IQSEC1: variants seen among roughly 807,000 people sequenced by gnomAD.
The protein encoded by IQSEC1 is IQ motif and SEC7 domain-containing protein 1.
In IQSEC1, 31 loss-of-function variants were observed where a neutral mutation model predicts 91.0. That is an observed-to-expected ratio of 0.34 (90% CI 0.26 to 0.46). The LOEUF is 0.46. Among genes scored for constraint, IQSEC1 ranks in the 20% least tolerant of loss-of-function variants. IQSEC1 has a pLI of 1.00. For synonymous variants in IQSEC1, 699 were observed against 662.6 expected, an observed-to-expected ratio of 1.05 and a Z score of -0.84; for missense variants, 1,388 against 1,575.6, an observed-to-expected ratio of 0.88 and a Z score of 2.02.
chr3:13,203,930 G>C (rs1694292240), intron 1 of IQSEC1, among the ~76,000 whole-genome samples: 1 of 152,194 alleles, frequency 6.6e-6, no homozygotes, highest in Non-Finnish European at 1.5e-5. Context: ...GGCAGACCCC[G>C]TCCCAGGCTG....
intron 2 of IQSEC1, among the ~76,000 whole-genome samples, chr3:13,114,621 G>A (rs1162273458): frequency 1.3e-5 from 2 of 151,934 alleles, no homozygotes; most frequent in East Asian, 3.9e-4. Flanking sequence ...GTGAAACCCT[G>A]TCTCTACTAA....
Position 12,967,382 on chromosome 3 carries a change from CT to C in IQSEC1, c.24-25518del. 1 of 1,534,142 alleles carries C rather than the reference CT, an allele frequency of 6.5e-7. No individual in the cohort carries two copies. On this transcript the variant is annotated intron_variant, in intron 1 of 13. Transcript: ENST00000613206. This position sits in a 1 kb window ranked among gnomAD's most constrained non-coding sequence, Gnocchi z 5.9. ...AAGGCCGCTCGCCCCGCGCCGCGCCCTCACCCGCTGTCAAGCTCTAGCTCCA... is the reference window on the plus strand; with the variant it reads ...AAGGCCGCTCGCCCCGCGCCGCGCCCCACCCGCTGTCAAGCTCTAGCTCCA...
At chr3:12,963,256 G>A (rs1700353744) in intron 1 of IQSEC1, among the ~76,000 whole-genome samples, 1 of 152,364 alleles carries the variant, frequency 6.6e-6, no homozygotes. Flanking sequence ...ACCATGTCAG[G>A]AAACTGCAAA....
chr3:13,117,809 C>T (rs1372127339), intron 2 of IQSEC1, among the ~76,000 whole-genome samples: 5 of 151,926 alleles, frequency 3.3e-5, no homozygotes, highest in African/African-American at 4.8e-5. Flanking sequence ...CACTTGAACC[C>T]GGGAGGCAGA....
intron 2 of IQSEC1, among the ~76,000 whole-genome samples, chr3:13,089,681 AG>A (rs1445060933): frequency 6.6e-6 from 1 of 152,256 alleles, no homozygotes; most frequent in Non-Finnish European, 1.5e-5. Context: ...CAGACACAAA[AG>A]GACACATCTT....
At chr3:13,168,173 A>G (rs185382333) in intron 1 of IQSEC1, among the ~76,000 whole-genome samples, 3 of 152,344 alleles carry the variant, frequency 2.0e-5, no homozygotes, top group African/African-American at 7.2e-5. Flanking sequence ...AGCTCAAACT[A>G]GAAAGAGCAG....
At chr3:13,075,347 A>C (rs1236052759), upstream of IQSEC1, among the ~76,000 whole-genome samples, 3 of 152,204 alleles carry the variant, frequency 2.0e-5, no homozygotes, top group Admixed American at 1.3e-4. Flanking sequence ...GTCTCCCATC[A>C]AGGCAGCAGC....
intron 2 of IQSEC1, among the ~76,000 whole-genome samples, chr3:13,092,134 A>T (rs1705873021): frequency 6.6e-6 from 1 of 152,166 alleles, no homozygotes; most frequent in Non-Finnish European, 1.5e-5. Flanking sequence ...TGACTGCATC[A>T]AAAGGGGCTA....
intron 1 of IQSEC1, among the ~76,000 whole-genome samples, chr3:13,173,257 G>A (rs970008395): frequency 6.6e-6 from 1 of 152,200 alleles, no homozygotes; most frequent in African/African-American, 2.4e-5. Flanking sequence ...AATGTGCCAG[G>A]CCATGGGAAT....
At chr3:13,271,121 T>G (rs1246681454) in intron 1 of IQSEC1, among the ~76,000 whole-genome samples, 4 of 152,228 alleles carry the variant, frequency 2.6e-5, no homozygotes. Context: ...CTCATGCCTG[T>G]AATCCCAGCA....
intron 1 of IQSEC1, among the ~76,000 whole-genome samples, chr3:12,984,376 G>T (rs977189662): frequency 7.2e-5 from 11 of 152,206 alleles, no homozygotes; most frequent in African/African-American, 2.7e-4. Context: ...CTCTTCTGGT[G>T]GATACAGCCC....
At chr3:13,084,897 T>C (rs1270982708) in intron 2 of IQSEC1, among the ~76,000 whole-genome samples, 1 of 147,804 alleles carries the variant, frequency 6.8e-6, no homozygotes, top group African/African-American at 2.5e-5. Flanking sequence ...GCCTGGGCTA[T>C]GATTAGAGGG....
At position 13,008,420 on chromosome 3, in the gene IQSEC1, C is replaced by T. The variant is rs1266016521; in HGVS notation, c.23+64572G>A. ...GCCATTAGTCTCCAAACCCTCTGTC[C>T]TTTGAGCCTGAATCCCCAGGGGGCT... is the stretch of plus-strand genomic sequence containing the variant. On this transcript the variant is annotated intron_variant, in intron 1 of 13. Coordinates refer to ENST00000613206, the MANE Select transcript of IQSEC1 (RefSeq NM_001134382.3). This position sits in a 1 kb window ranked among gnomAD's most constrained non-coding sequence, Gnocchi z 4.1. Among the ~76,000 whole-genome samples, 1 of 152,166 alleles carries T rather than the reference C, an allele frequency of 6.6e-6. No homozygotes were observed. The highest frequency in any genetic ancestry group is 1.5e-5 in the Non-Finnish European group (1 of 68,026).
intron 1 of IQSEC1, among the ~76,000 whole-genome samples, chr3:13,062,522 G>A (rs1023908212): frequency 2.4e-4 from 36 of 152,236 alleles, no homozygotes; most frequent in African/African-American, 8.7e-4. Flanking sequence ...TGGCAGGGGA[G>A]GCACAGAGAA....
intron 1 of IQSEC1, among the ~76,000 whole-genome samples, chr3:12,947,725 A>G (rs1329705811): frequency 1.3e-5 from 2 of 152,202 alleles, no homozygotes; most frequent in Admixed American, 6.5e-5. Context: ...ATGTGGATGC[A>G]TCCACACTCT....
chr3:13,185,066 G>A (rs1214281666), intron 1 of IQSEC1, among the ~76,000 whole-genome samples: 1 of 152,152 alleles, frequency 6.6e-6, no homozygotes, highest in Non-Finnish European at 1.5e-5. Flanking sequence ...CAGATTCGGG[G>A]GATCTGAGGG....
At chr3:13,169,003 C>T (rs1693552721) in intron 1 of IQSEC1, among the ~76,000 whole-genome samples, 1 of 152,192 alleles carries the variant, frequency 6.6e-6, no homozygotes, top group South Asian at 2.1e-4. Flanking sequence ...TTATTTATCA[C>T]CATATTCCTT....
chr3:12,909,221 G>A lies in IQSEC1; in HGVS notation c.2578+52C>T, dbSNP rs115185448. 8.7e-4 allele frequency: 1,365 copies of A among 1,576,710 alleles called. 10 individuals are homozygous for A. The African/African-American group carries it at 0.016, about 19-fold the overall frequency. ...TCACTGCCCTGACATGGGGAGGCAA[G>A]TGCCAGAGTCTGGCAAGTCTCGGCC... On this transcript the variant is annotated intron_variant, in intron 11 of 13. Coordinates refer to ENST00000613206, the MANE Select transcript of IQSEC1 (RefSeq NM_001134382.3). The surrounding 1 kb of genome is among the most constrained non-coding windows in gnomAD (Gnocchi z 4.9).
intron 1 of IQSEC1, among the ~76,000 whole-genome samples, chr3:13,191,042 G>T (rs192380209): frequency 2.1e-3 from 317 of 152,298 alleles, no homozygotes; most frequent in Non-Finnish European, 3.8e-3. Context: ...CCGTCCTGTG[G>T]GCAGGACATA....
Sources: gnomAD v4.1 joint callset for allele counts (sites outside exome capture counted in the v4.1 genomes callset) on GRCh38, gnomAD v4.1.1 for gene constraint, Gnocchi (gnomAD v3.1) non-coding constraint, MANE v1.5 for transcripts, NCBI Gene and HGNC (gene_info 2026-07-23, HGNC 2026-07-21) for gene names.